PLA2G10: variants seen among roughly 807,000 people sequenced by gnomAD.
PLA2G10 encodes the protein phospholipase A2 group X, also known as group 10 secretory phospholipase A2.
A neutral mutation model predicts 7.9 loss-of-function variants in PLA2G10; 9 were observed. The observed-to-expected ratio is 1.14, with a 90% CI of 0.68 to 1.98. PLA2G10 has a LOEUF of 1.98. Among genes scored for constraint, PLA2G10 ranks in the 30% most tolerant of loss-of-function variants. The pLI is 0.00. For missense variants in PLA2G10, 53 were observed against 65.4 expected (o/e 0.81, Z 0.66); for synonymous variants, 19 against 27.5 (o/e 0.69, Z 0.97).
At chr16:14,672,841 AC>A in intron 3 of PLA2G10, 92 bp from the exon 4 acceptor site, 1 of 1,255,412 alleles carries the variant, frequency 8.0e-7, no homozygotes, top group Non-Finnish European at 1.1e-6. Context: ...GTCATAAATT[AC>A]ATTTCTGAGA....
At position 14,672,644 on chromosome 16, in the gene PLA2G10, T is replaced by C; in HGVS notation, c.461A>G (p.Gln154Arg). 6.2e-7 allele frequency: 1 copy of C among 1,614,086 alleles called. No homozygotes were observed. Among genetic ancestry groups the C allele is most frequent in the Non-Finnish European group, 8.5e-7 (1 of 1,179,968 alleles). The change falls in exon 4 of 4, where the codon CAG becomes CGG. Residue 154 changes from glutamine (Q) to arginine (R), a missense_variant. Gln to Arg is a conservative substitution (Grantham distance 43, BLOSUM62 1). Coordinates refer to ENST00000438167, the MANE Select transcript of PLA2G10 (RefSeq NM_003561.3). ...GGGCGAGTCCGGCTCACATAGGAAC[T>C]GGGGGTAGAAGAGGTACTTTAAGTT... ...EYNLKYLFYP[Q>R]FLCEPDSPKC...
chr16:14,679,855 G>C (rs1960839141), intron 3 of PLA2G10, among the ~76,000 whole-genome samples: 1 of 151,810 alleles, frequency 6.6e-6, no homozygotes, highest in African/African-American at 2.4e-5. Context: ...CACCACAGAA[G>C]AAACCCAACT....
At chr16:14,684,667 A>G (rs915395238) in intron 3 of PLA2G10, among the ~76,000 whole-genome samples, 2 of 152,066 alleles carry the variant, frequency 1.3e-5, no homozygotes, top group Non-Finnish European at 1.5e-5. Flanking sequence ...CTTTGTCTCA[A>G]AAAAATTAGC....
chr16:14,676,356 C>CCT (rs1960725413), intron 3 of PLA2G10, among the ~76,000 whole-genome samples: 1 of 152,180 alleles, frequency 6.6e-6, no homozygotes, highest in Admixed American at 6.5e-5. Context: ...ATAGAACCAA[C>CCT]CTAAGTGCCC....
chr16:14,686,983 C>T lies in PLA2G10; in HGVS notation c.355+1182G>A, dbSNP rs544142909. ...ATTAGCCAGGTGTAGTGGCAGGCAC[C>T]TGTAATCTCAGCTACTCAGGAGGCT... On this transcript the variant is annotated intron_variant, in intron 3 of 3. Coordinates refer to ENST00000438167, the MANE Select transcript of PLA2G10 (RefSeq NM_003561.3). 4.6e-5 allele frequency among the ~76,000 whole-genome samples: 7 copies of T among 152,010 alleles called. No homozygotes were observed. The East Asian group carries it at 1.2e-3, about 25-fold the overall frequency.
chr16:14,682,064 C>A (rs1428198191), intron 3 of PLA2G10, among the ~76,000 whole-genome samples: 2 of 151,910 alleles, frequency 1.3e-5, no homozygotes, highest in African/African-American at 4.8e-5. Flanking sequence ...AACTCCTGGG[C>A]TCAAGCTATC....
At chr16:14,681,158 T>C (rs1960879685) in intron 3 of PLA2G10, among the ~76,000 whole-genome samples, 1 of 144,708 alleles carries the variant, frequency 6.9e-6, no homozygotes, top group Non-Finnish European at 1.5e-5. Context: ...AGTGAGACTC[T>C]ATCTCAAAGA....
In PLA2G10 at chr16:14,677,853, AGATGGATGGATGGATG is replaced by A. The variant is rs66604338; in HGVS notation, c.356-5120_356-5105del. ...TTGGATGGATGGGTGATGGATGGATAGATGGATGGATGGATGGATGGATGGATGGATGGATGGATGG... is the reference window on the plus strand; with the variant it reads ...TTGGATGGATGGGTGATGGATGGATAGATGGATGGATGGATGGATGGATGG... On this transcript the variant is annotated intron_variant, in intron 3 of 3. Coordinates refer to ENST00000438167, the MANE Select transcript of PLA2G10 (RefSeq NM_003561.3). Among the ~76,000 whole-genome samples the A allele has an allele frequency of 2.1e-4, 31 of 146,194 alleles. No individual in the cohort carries two copies. In the South Asian group the frequency reaches 4.7e-3, roughly 22 times the overall value.
At chr16:14,678,360 C>A (rs1960783823) in intron 3 of PLA2G10, among the ~76,000 whole-genome samples, 1 of 152,182 alleles carries the variant, frequency 6.6e-6, no homozygotes, top group Non-Finnish European at 1.5e-5. Context: ...ACTGCCACCC[C>A]CTGCCCAAGC....
At chr16:14,676,838 C>T (rs891007587) in intron 3 of PLA2G10, among the ~76,000 whole-genome samples, 22 of 152,172 alleles carry the variant, frequency 1.4e-4, no homozygotes, top group Non-Finnish European at 2.8e-4. Context: ...AAGGAAGTTA[C>T]GTCACTTATT....
chr16:14,687,522 T>G (rs1311229971), intron 3 of PLA2G10, among the ~76,000 whole-genome samples: 9 of 151,944 alleles, frequency 5.9e-5, no homozygotes, highest in African/African-American at 1.9e-4. Flanking sequence ...TTAACTTTTT[T>G]GTAGAGATGC....
chr16:14,684,097 G>C (rs972614567), intron 3 of PLA2G10, among the ~76,000 whole-genome samples: 4 of 151,364 alleles, frequency 2.6e-5, no homozygotes, highest in African/African-American at 7.3e-5. Flanking sequence ...GTGGTGGCTC[G>C]CGCCTGTAAT....
At chr16:14,675,437 C>T (rs1223309431) in intron 3 of PLA2G10, among the ~76,000 whole-genome samples, 1 of 151,970 alleles carries the variant, frequency 6.6e-6, no homozygotes, top group Non-Finnish European at 1.5e-5. Flanking sequence ...ACTAAGACCC[C>T]AAAAGCAAAT....
chr16:14,681,791 G>A (rs186844674), intron 3 of PLA2G10, among the ~76,000 whole-genome samples: 9 of 151,518 alleles, frequency 5.9e-5, no homozygotes, highest in Admixed American at 1.3e-4. Flanking sequence ...CTGTAAACAG[G>A]CACAGACTCT....
intron 3 of PLA2G10, among the ~76,000 whole-genome samples, chr16:14,680,079 T>G (rs1204181963): frequency 6.6e-6 from 1 of 151,424 alleles, no homozygotes; most frequent in Non-Finnish European, 1.5e-5. Flanking sequence ...GCTGTATTTC[T>G]TCTTCCTTTC....
chr16:14,679,673 AAATAAT>A (rs1172261112), intron 3 of PLA2G10, among the ~76,000 whole-genome samples: 27 of 141,854 alleles, frequency 1.9e-4, no homozygotes, highest in Admixed American at 3.6e-4. Flanking sequence ...AAAAAAAAAA[AAATAAT>A]AATAATAATA....
chr16:14,674,687 G>A (rs552483194), intron 3 of PLA2G10, among the ~76,000 whole-genome samples: 1 of 150,956 alleles, frequency 6.6e-6, no homozygotes. Context: ...GGGTGACAGA[G>A]AGACTCCATC....
intron 3 of PLA2G10, among the ~76,000 whole-genome samples, chr16:14,679,364 T>C (rs985017555): frequency 6.6e-5 from 10 of 151,652 alleles, no homozygotes; most frequent in African/African-American, 2.4e-4. Flanking sequence ...CAAGACACCA[T>C]CTCTACAAAA....
intron 3 of PLA2G10, among the ~76,000 whole-genome samples, chr16:14,675,932 C>CAA (rs59516741): frequency 1.1e-3 from 52 of 46,666 alleles, no homozygotes; most frequent in African/African-American, 3.2e-3. Context: ...GAGCAAGACT[C>CAA]AAAAAAAAAA....
Sources: allele counts gnomAD v4.1 joint callset (sites outside exome capture counted in the v4.1 genomes callset), GRCh38; gene constraint gnomAD v4.1.1; transcripts MANE v1.5; gene names NCBI Gene and HGNC (gene_info 2026-07-23, HGNC 2026-07-21).